DLGAP2: variants seen among roughly 807,000 people sequenced by gnomAD.
DLGAP2 encodes DLG associated protein 2.
In DLGAP2, 26 loss-of-function variants were observed where a neutral mutation model predicts 100.3. The observed-to-expected ratio is 0.26, with a 90% CI of 0.19 to 0.36. The LOEUF (loss-of-function observed/expected upper bound fraction) is 0.36. Among genes scored for constraint, DLGAP2 ranks in the 10% least tolerant of loss-of-function variants. The pLI is 1.00. For synonymous variants in DLGAP2, 886 were observed against 630.1 expected (o/e 1.41, Z -6.08); for missense variants, 1,858 against 1,453.2 (o/e 1.28, Z -4.53).
At chr8:819,074 G>A (rs752836541) in intron 1 of DLGAP2, among the ~76,000 whole-genome samples, 1 of 152,176 alleles carries the variant, frequency 6.6e-6, no homozygotes, top group Non-Finnish European at 1.5e-5. Context: ...TTTAATGACT[G>A]AATCCAGAAT....
chr8:856,690 G>A (rs1797284796), intron 1 of DLGAP2, among the ~76,000 whole-genome samples: 1 of 152,216 alleles, frequency 6.6e-6, no homozygotes, highest in Non-Finnish European at 1.5e-5. Context: ...AGATCTATAT[G>A]AGGAAAACTA....
chr8:1,598,482 T>C (rs1249516877), intron 6 of DLGAP2, among the ~76,000 whole-genome samples: 2 of 152,352 alleles, frequency 1.3e-5, no homozygotes, highest in East Asian at 3.9e-4. Context: ...TGGCTGTGAA[T>C]CCATCTGATC....
At chr8:1,119,770 C>T (rs1362444257) in intron 2 of DLGAP2, among the ~76,000 whole-genome samples, 4 of 152,202 alleles carry the variant, frequency 2.6e-5, no homozygotes, top group Non-Finnish European at 5.9e-5. Context: ...ACAGCTGCCT[C>T]TAGAGTTGGT....
At chr8:1,299,094 G>T (rs888366212) in intron 3 of DLGAP2, among the ~76,000 whole-genome samples, 1 of 152,218 alleles carries the variant, frequency 6.6e-6, no homozygotes, top group Non-Finnish European at 1.5e-5. Flanking sequence ...TTTTAATTTG[G>T]ATTACTGACA....
chr8:1,273,337 GCCAGC>G (rs1442567305), intron 3 of DLGAP2, among the ~76,000 whole-genome samples: 2 of 152,190 alleles, frequency 1.3e-5, no homozygotes, highest in African/African-American at 4.8e-5. Context: ...AGTCCCTGTT[GCCAGC>G]TGAGCATTTG....
intron 3 of DLGAP2, among the ~76,000 whole-genome samples, chr8:1,330,568 TGAGTTCTGTGTGGGAGCACCGCTTCAC>T (rs1563086908): frequency 2.9e-5 from 4 of 139,420 alleles, no homozygotes; most frequent in African/African-American, 8.3e-5. Flanking sequence ...TCACAGGGAC[TGAGTTCTGTGTGGGAGCACCGCTTCAC>T]GGGGACCGAG....
chr8:1,633,618 CACTGCCTAATATTTT>C (rs1157439407), intron 8 of DLGAP2, among the ~76,000 whole-genome samples: 4 of 152,218 alleles, frequency 2.6e-5, no homozygotes, highest in Non-Finnish European at 5.9e-5. Flanking sequence ...ACCTAAATAT[CACTGCCTAATATTTT>C]ACTGCCTAAT....
intron 2 of DLGAP2, among the ~76,000 whole-genome samples, chr8:963,046 C>T (rs919635638): frequency 6.6e-6 from 1 of 152,184 alleles, no homozygotes; most frequent in African/African-American, 2.4e-5. Context: ...CCCTCTCATC[C>T]GGGACTGTGT....
chr8:1,174,804 C>T lies in DLGAP2; in HGVS notation c.74-84047C>T, dbSNP rs550706255. 2.0e-5 allele frequency among the ~76,000 whole-genome samples: 3 copies of T among 152,214 alleles called. No homozygotes were observed. The East Asian group carries it at 5.8e-4, about 29-fold the overall frequency. ...TCACCACCATCATTATCACTACCTC[C>T]ATCATTACCATCATCTAGACTATAG... is the stretch of plus-strand genomic sequence containing the variant. On this transcript the variant is annotated intron_variant, in intron 2 of 14. Transcript: ENST00000637795.
chr8:1,452,253 A>C (rs1391172718), intron 3 of DLGAP2, among the ~76,000 whole-genome samples: 7 of 151,876 alleles, frequency 4.6e-5, no homozygotes, highest in African/African-American at 1.7e-4. Flanking sequence ...TTCTGTGGCC[A>C]TGTGTTCTGT....
chr8:1,160,788 G>A (rs781366083), intron 2 of DLGAP2, among the ~76,000 whole-genome samples: 5 of 152,186 alleles, frequency 3.3e-5, no homozygotes, highest in Non-Finnish European at 7.3e-5. Context: ...AGGCGAGGAA[G>A]CCTGGCAGGG....
rs565154346 is a variant in DLGAP2 at position 1,342,254 on chromosome 8, G to A, written c.106+83371G>A. On this transcript the variant is annotated intron_variant, in intron 3 of 14. Transcript: ENST00000637795. ...GAGCCACCGCACCTGGCCAGGTTGTGAGGTTTTAAGTGACTTGTTTCAGGC... is the reference window on the plus strand; with the variant it reads ...GAGCCACCGCACCTGGCCAGGTTGTAAGGTTTTAAGTGACTTGTTTCAGGC... Among the ~76,000 whole-genome samples, 28 of 152,276 alleles carry A rather than the reference G, an allele frequency of 1.8e-4. No homozygotes were observed. The East Asian group carries it at 2.3e-3, about 13-fold the overall frequency.
At chr8:1,151,125 G>A (rs566794210) in intron 2 of DLGAP2, among the ~76,000 whole-genome samples, 1 of 152,234 alleles carries the variant, frequency 6.6e-6, no homozygotes, top group South Asian at 2.1e-4. Context: ...GGTAGTGACT[G>A]GCTTCTATCT....
chr8:1,135,503 GTTT>G (rs3080806), intron 2 of DLGAP2, among the ~76,000 whole-genome samples: 22 of 92,190 alleles, frequency 2.4e-4, no homozygotes, highest in African/African-American at 4.4e-4. Flanking sequence ...TTTTTTGTGG[GTTT>G]TTTTTTTTTT....
chr8:1,529,223 C>A (rs1267660574), intron 4 of DLGAP2, among the ~76,000 whole-genome samples: 2 of 152,182 alleles, frequency 1.3e-5, no homozygotes, highest in Admixed American at 1.3e-4. Flanking sequence ...AGGGGAAGAG[C>A]CCCTTGTAAA....
chr8:1,106,454 T>G (rs1428918336), intron 2 of DLGAP2, among the ~76,000 whole-genome samples: 3 of 149,372 alleles, frequency 2.0e-5, no homozygotes, highest in Non-Finnish European at 4.5e-5. Flanking sequence ...AGGAGGCCAT[T>G]CAAGGAGGGT....
At chr8:781,421 T>TC (rs1821683937) in intron 1 of DLGAP2, among the ~76,000 whole-genome samples, 1 of 152,176 alleles carries the variant, frequency 6.6e-6, no homozygotes, top group African/African-American at 2.4e-5. Context: ...CTCAGGGATT[T>TC]TTTTTTTGTT....
chr8:1,165,715 C>T (rs1797002124), intron 2 of DLGAP2, among the ~76,000 whole-genome samples: 1 of 152,072 alleles, frequency 6.6e-6, no homozygotes, highest in South Asian at 2.1e-4. Flanking sequence ...GCAGGTGTTA[C>T]AAACAATATT....
chr8:1,426,981 A>G (rs962108107), intron 3 of DLGAP2, among the ~76,000 whole-genome samples: 25 of 152,250 alleles, frequency 1.6e-4, no homozygotes, highest in Admixed American at 7.9e-4. Context: ...CTTATTGACA[A>G]TTAAAAACTA....
Sources: gnomAD v4.1 joint callset for allele counts (sites outside exome capture counted in the v4.1 genomes callset) on GRCh38, gnomAD v4.1.1 for gene constraint, MANE v1.5 for transcripts, NCBI Gene and HGNC (gene_info 2026-07-23, HGNC 2026-07-21) for gene names.